The following PRIM2 variants were observed in gnomAD, a reference collection of about 807,000 sequenced individuals.
PRIM2 encodes the protein DNA primase subunit 2.
A neutral mutation model predicts 67.3 loss-of-function variants in PRIM2; 39 were observed. That is an observed-to-expected ratio of 0.58 (90% CI 0.45 to 0.76). The LOEUF (loss-of-function observed/expected upper bound fraction) is 0.76. PRIM2 is among the 30% of genes least tolerant of loss of function. PRIM2 has a pLI of 0.00. For synonymous variants in PRIM2, 143 were observed against 198.7 expected (o/e 0.72, Z 2.36); for missense variants, 398 against 598.7 (o/e 0.66, Z 3.50).
intron 10 of PRIM2, among the ~76,000 whole-genome samples, chr6:57,586,725 T>C (rs1318544281): frequency 6.6e-6 from 1 of 152,178 alleles, no homozygotes; most frequent in African/African-American, 2.4e-5. Flanking sequence ...TCTGTGGCGT[T>C]ATGGGAAGTG....
At chr6:57,431,726 C>T (rs1771836896) in intron 7 of PRIM2, among the ~76,000 whole-genome samples, 1 of 152,130 alleles carries the variant, frequency 6.6e-6, no homozygotes, top group Admixed American at 6.6e-5. Flanking sequence ...TCATCATGCA[C>T]CTAATGATAC....
chr6:57,550,895 T>C, intron 10 of PRIM2, among the ~76,000 whole-genome samples: 1 of 152,198 alleles, frequency 6.6e-6, no homozygotes. Context: ...AGACTTCTGA[T>C]ACTGAAGGAT....
chr6:57,499,573 T>G (rs1774085575), intron 7 of PRIM2, among the ~76,000 whole-genome samples: 1 of 152,220 alleles, frequency 6.6e-6, no homozygotes, highest in Non-Finnish European at 1.5e-5. Context: ...ACCATTAGAC[T>G]ATACCCTTTG....
intron 7 of PRIM2, among the ~76,000 whole-genome samples, chr6:57,490,554 A>G (rs1183550019): frequency 6.6e-6 from 1 of 152,242 alleles, no homozygotes; most frequent in African/African-American, 2.4e-5. Context: ...AATAAACATA[A>G]TAAATGTATT....
At chr6:57,579,148 T>C (rs2127484327) in intron 10 of PRIM2, among the ~76,000 whole-genome samples, 1 of 144,118 alleles carries the variant, frequency 6.9e-6, no homozygotes, top group East Asian at 2.3e-4. Flanking sequence ...TTTCTAATTC[T>C]TGATACAGTT....
chr6:57,553,721 G>A (rs1447896369), intron 10 of PRIM2, among the ~76,000 whole-genome samples: 5 of 152,082 alleles, frequency 3.3e-5, no homozygotes, highest in Non-Finnish European at 4.4e-5. Flanking sequence ...GTTATATTGC[G>A]ACTGCAGAAA....
intron 7 of PRIM2, among the ~76,000 whole-genome samples, chr6:57,397,743 T>C (rs1019165163): frequency 2.0e-4 from 30 of 152,108 alleles, no homozygotes; most frequent in African/African-American, 6.8e-4. Flanking sequence ...CTGGGTTTGT[T>C]GGTCTTTTGA....
intron 1 of PRIM2, 67 bp from the exon 2 acceptor site, chr6:57,318,370 T>C: frequency 7.0e-7 from 1 of 1,438,154 alleles, no homozygotes; most frequent in South Asian, 1.4e-5. Context: ...TTTTTTCGTG[T>C]TTTTTCTTTT....
At chr6:57,464,388 C>T (rs573407203) in intron 7 of PRIM2, among the ~76,000 whole-genome samples, 2 of 152,026 alleles carry the variant, frequency 1.3e-5, no homozygotes, top group African/African-American at 4.8e-5. Context: ...AGTGATTCTC[C>T]TTCCTCAGCC....
intron 7 of PRIM2, among the ~76,000 whole-genome samples, chr6:57,477,168 T>A (rs1158081488): frequency 2.6e-5 from 4 of 152,096 alleles, no homozygotes; most frequent in Non-Finnish European, 5.9e-5. Context: ...TTTTTAATTT[T>A]TGTTTTATAG....
intron 8 of PRIM2, among the ~76,000 whole-genome samples, chr6:57,517,508 G>T (rs1774510851): frequency 6.6e-6 from 1 of 151,966 alleles, no homozygotes; most frequent in Non-Finnish European, 1.5e-5. Flanking sequence ...TACTACTAAA[G>T]AACTGAATTT....
intron 8 of PRIM2, among the ~76,000 whole-genome samples, chr6:57,518,623 C>T (rs1401619560): frequency 2.0e-5 from 3 of 151,922 alleles, no homozygotes; most frequent in Admixed American, 6.6e-5. Flanking sequence ...CCTTTAATTC[C>T]GTTTTCCAAG....
intron 5 of PRIM2, among the ~76,000 whole-genome samples, chr6:57,349,359 A>C (rs920198290): frequency 2.7e-5 from 4 of 150,488 alleles, no homozygotes; most frequent in African/African-American, 9.8e-5. Context: ...GTTATTCCCG[A>C]TGTTTTTGCT....
intron 5 of PRIM2, among the ~76,000 whole-genome samples, chr6:57,378,499 C>T (rs12201536): frequency 5.3e-5 from 8 of 152,084 alleles, no homozygotes; most frequent in Non-Finnish European, 8.8e-5. Context: ...TGTTTTTGTT[C>T]GTGAAGTATA....
chr6:57,528,379 GCTTTTTTT>G (rs1285081198), intron 8 of PRIM2, among the ~76,000 whole-genome samples: 1 of 151,282 alleles, frequency 6.6e-6, no homozygotes, highest in Non-Finnish European at 1.5e-5. Flanking sequence ...GCATTCTCTT[GCTTTTTTT>G]CTTTTTTTCC....
chr6:57,320,403 T>G (rs1445859521), intron 2 of PRIM2, 54 bp from the exon 3 acceptor site: 1 of 1,263,990 alleles, frequency 7.9e-7, no homozygotes, highest in Non-Finnish European at 1.1e-6. Flanking sequence ...GATTTTGTCT[T>G]GGATTTAGTT....
At chr6:57,468,140 C>A (rs1322290489) in intron 7 of PRIM2, among the ~76,000 whole-genome samples, 1 of 152,142 alleles carries the variant, frequency 6.6e-6, no homozygotes, top group African/African-American at 2.4e-5. Context: ...TGCCTGATTT[C>A]CCTAGCCAAA....
intron 8 of PRIM2, among the ~76,000 whole-genome samples, chr6:57,522,486 C>A (rs1774645695): frequency 1.3e-5 from 2 of 151,820 alleles, no homozygotes; most frequent in African/African-American, 4.8e-5. Context: ...TGATAACATA[C>A]CTTATTTAAC....
chr6:57,402,116 CA>C (rs1429923290), intron 7 of PRIM2, among the ~76,000 whole-genome samples: 1 of 152,162 alleles, frequency 6.6e-6, no homozygotes, highest in Non-Finnish European at 1.5e-5. Flanking sequence ...ACAGGCTGGC[CA>C]CTTTTCCATA....
Sources: allele counts gnomAD v4.1 joint callset (sites outside exome capture counted in the v4.1 genomes callset), GRCh38; gene constraint gnomAD v4.1.1; transcripts MANE v1.5; gene names NCBI Gene and HGNC (gene_info 2026-07-23, HGNC 2026-07-21).